The following MYRIP variants were observed in gnomAD, a reference collection of about 807,000 sequenced individuals.
MYRIP encodes the protein myosin VIIA and Rab interacting protein, also known as rab effector MyRIP.
MYRIP carries 49 observed loss-of-function variants against 98.0 expected under a neutral mutation model. The observed-to-expected ratio is 0.50, with a 90% confidence interval of 0.40 to 0.63. The LOEUF is 0.63. Among genes scored for constraint, MYRIP ranks in the 30% least tolerant of loss-of-function variants. The probability of loss-of-function intolerance (pLI) is 0.00; values close to 1 mark genes in which losing one functional copy is unlikely to be tolerated. For missense variants in MYRIP, 1,004 were observed against 1,058.2 expected, an observed-to-expected ratio of 0.95 and a Z score of 0.71; for synonymous variants, 404 against 409.5, an observed-to-expected ratio of 0.99 and a Z score of 0.16.
rs551106406 is a variant in MYRIP, at chr3:39,921,443, A to G, written c.110+20517A>G. 2.6e-5 allele frequency among the ~76,000 whole-genome samples: 4 copies of G among 152,330 alleles called. No homozygotes were observed. In the East Asian group the frequency reaches 7.7e-4, roughly 29 times the overall value. On this transcript the variant is annotated intron_variant, in intron 2 of 16. Transcript: ENST00000302541. ...TTTAAACTCACTGTGTTGCCTAAGT[A>G]CAAACAATCATCATTTAAACCATTT...
chr3:39,972,753 T>C (rs1480495543), intron 2 of MYRIP, among the ~76,000 whole-genome samples: 3 of 151,002 alleles, frequency 2.0e-5, no homozygotes, highest in Non-Finnish European at 4.4e-5. Context: ...TTGTTTTTTT[T>C]CCCCCTTTCA....
intron 2 of MYRIP, among the ~76,000 whole-genome samples, chr3:40,033,345 T>G (rs1011129465): frequency 6.6e-6 from 1 of 151,864 alleles, no homozygotes; most frequent in Non-Finnish European, 1.5e-5. Flanking sequence ...CAAAATCTCC[T>G]TAAGCTGATA....
intron 2 of MYRIP, among the ~76,000 whole-genome samples, chr3:39,923,561 T>G (rs1944350777): frequency 6.6e-6 from 1 of 152,096 alleles, no homozygotes; most frequent in African/African-American, 2.4e-5. Flanking sequence ...CTATATTTTG[T>G]GAAAATATTC....
intron 3 of MYRIP, among the ~76,000 whole-genome samples, chr3:40,079,250 C>A (rs1948422908): frequency 6.6e-6 from 1 of 152,224 alleles, no homozygotes; most frequent in African/African-American, 2.4e-5. Flanking sequence ...TTACACTGGA[C>A]TGATAGCCAT....
chr3:39,859,150 C>A (rs983932738), intron 1 of MYRIP, among the ~76,000 whole-genome samples: 1 of 142,672 alleles, frequency 7.0e-6, no homozygotes, highest in Non-Finnish European at 1.5e-5. Context: ...GCTAGACTAA[C>A]GAAAGATGGA....
intron 11 of MYRIP, among the ~76,000 whole-genome samples, chr3:40,212,744 C>CA (rs2125671295): frequency 6.6e-6 from 1 of 151,904 alleles, no homozygotes; most frequent in East Asian, 1.9e-4. Flanking sequence ...GACCCTGTCT[C>CA]AAAAAATATA....
At chr3:40,191,019 C>A (rs1309671705) in intron 10 of MYRIP, among the ~76,000 whole-genome samples, 1 of 152,228 alleles carries the variant, frequency 6.6e-6, no homozygotes, top group Non-Finnish European at 1.5e-5. Context: ...AAGAGCTAAG[C>A]TCTGTCTGAG....
At chr3:40,256,589 G>A (rs1321768314) in intron 16 of MYRIP, among the ~76,000 whole-genome samples, 3 of 150,366 alleles carry the variant, frequency 2.0e-5, no homozygotes, top group East Asian at 3.9e-4. Flanking sequence ...TTATATAAAA[G>A]GATGTCAATT....
At chr3:39,863,282 GA>G (rs1391663247) in intron 1 of MYRIP, among the ~76,000 whole-genome samples, 18 of 151,902 alleles carry the variant, frequency 1.2e-4, no homozygotes, top group Admixed American at 1.2e-3. Flanking sequence ...AAAGCTAGTA[GA>G]AGACAAGACG....
chr3:40,218,656 A>G lies in MYRIP; in HGVS notation c.1905+8563A>G, dbSNP rs1487364895. On this transcript the variant is annotated intron_variant, in intron 11 of 16. Transcript: ENST00000302541. ...TATATATATATATATATATATATAT[A>G]CATACACACACATACATAATGCCCT... Among the ~76,000 whole-genome samples, 3 of 136,738 alleles carry G rather than the reference A, an allele frequency of 2.2e-5. No homozygotes were observed. The Admixed American group carries it at 2.2e-4, about 10-fold the overall frequency. 89.7% of individuals were successfully genotyped at this position (136,738 alleles called of 152,430 possible). A position where few individuals can be genotyped will look rare whatever the true frequency, so the allele number is the denominator to read the frequency against.
intron 1 of MYRIP, among the ~76,000 whole-genome samples, chr3:39,891,363 A>G (rs1482359179): frequency 6.6e-6 from 1 of 152,078 alleles, no homozygotes; most frequent in Non-Finnish European, 1.5e-5. Context: ...ACTATGTATA[A>G]TGAGCATCCC....
intron 3 of MYRIP, among the ~76,000 whole-genome samples, chr3:40,107,185 T>C (rs1031979560): frequency 6.6e-6 from 1 of 152,242 alleles, no homozygotes; most frequent in Non-Finnish European, 1.5e-5. Context: ...ATTGAATACC[T>C]GCTGGGGACC....
At chr3:40,237,503 G>T (rs1952856195) in intron 12 of MYRIP, among the ~76,000 whole-genome samples, 1 of 152,198 alleles carries the variant, frequency 6.6e-6, no homozygotes, top group African/African-American at 2.4e-5. Flanking sequence ...CTGGGAATGA[G>T]ATATATAAAT....
intron 8 of MYRIP, among the ~76,000 whole-genome samples, chr3:40,177,639 T>C (rs1002143740): frequency 6.6e-6 from 1 of 152,212 alleles, no homozygotes; most frequent in African/African-American, 2.4e-5. Context: ...TCTGCCAGTA[T>C]GGGGGTCAGT....
intron 13 of MYRIP, among the ~76,000 whole-genome samples, chr3:40,245,765 T>TTTTTTTG (rs1953177430): frequency 7.9e-6 from 1 of 126,494 alleles, no homozygotes. Context: ...TTTTTTTTTT[T>TTTTTTTG]GAGACAGAGT....
chr3:40,018,584 C>T (rs1229119636), intron 2 of MYRIP, among the ~76,000 whole-genome samples: 2 of 152,136 alleles, frequency 1.3e-5, no homozygotes, highest in Non-Finnish European at 2.9e-5. Flanking sequence ...GCTTCACATC[C>T]TCTCAAATGT....
intron 3 of MYRIP, among the ~76,000 whole-genome samples, chr3:40,122,949 T>C (rs993166024): frequency 1.3e-5 from 2 of 152,200 alleles, no homozygotes; most frequent in Admixed American, 1.3e-4. Context: ...TCCCAGGGGT[T>C]TGGTATACAG....
chr3:40,020,436 C>G (rs1479078740), intron 2 of MYRIP, among the ~76,000 whole-genome samples: 3 of 152,146 alleles, frequency 2.0e-5, no homozygotes, highest in Non-Finnish European at 4.4e-5. Flanking sequence ...TTGGTGTTTT[C>G]TTTGGTCCAA....
chr3:39,834,255 T>G lies in MYRIP; in HGVS notation c.-31+24339T>G, dbSNP rs1161866545. 2.6e-5 allele frequency among the ~76,000 whole-genome samples: 4 copies of G among 152,256 alleles called. No individual in the cohort carries two copies. In the East Asian group the frequency reaches 7.7e-4, roughly 29 times the overall value. ...TTGTCTGTAGAATTTGCTTTTATTT[T>G]GAACTTTTAAAAATATTGTAATTTT... On this transcript the variant is annotated intron_variant, in intron 1 of 16. Coordinates refer to ENST00000302541, the MANE Select transcript of MYRIP (RefSeq NM_015460.4).
Sources: gnomAD v4.1 joint callset for allele counts (sites outside exome capture counted in the v4.1 genomes callset) on GRCh38, gnomAD v4.1.1 for gene constraint, MANE v1.5 for transcripts, NCBI Gene and HGNC (gene_info 2026-07-23, HGNC 2026-07-21) for gene names.